The following FAM13A variants were observed in gnomAD, a reference collection of about 807,000 sequenced individuals.
The protein encoded by FAM13A is protein FAM13A.
Under a neutral mutation model 129.6 loss-of-function variants are expected in FAM13A, and 76 were observed. That is an observed-to-expected ratio of 0.59 (90% confidence interval 0.49 to 0.71). The LOEUF is 0.71. Ranked by LOEUF, FAM13A falls within the 30% of genes least tolerant of loss-of-function variation. The probability of loss-of-function intolerance (pLI) is 0.00; values close to 1 mark genes in which losing one functional copy is unlikely to be tolerated. For missense variants in FAM13A, 1,108 were observed against 1,249.3 expected (o/e 0.89, Z 1.70); for synonymous variants, 443 against 449.9 (o/e 0.98, Z 0.20).
chr4:88,930,103 C>A (rs1296086270), intron 5 of FAM13A, among the ~76,000 whole-genome samples: 1 of 151,936 alleles, frequency 6.6e-6, no homozygotes, highest in East Asian at 1.9e-4. Flanking sequence ...TTTCTGATTT[C>A]TTTGTACTGG....
At chr4:88,919,697 C>A (rs1240683361) in intron 5 of FAM13A, among the ~76,000 whole-genome samples, 1 of 152,166 alleles carries the variant, frequency 6.6e-6, no homozygotes, top group Non-Finnish European at 1.5e-5. Context: ...ACAGTGGGCG[C>A]AGGACAGTGG....
chr4:88,954,041 A>G (rs1456816556), intron 4 of FAM13A, among the ~76,000 whole-genome samples: 1 of 152,230 alleles, frequency 6.6e-6, no homozygotes, highest in Non-Finnish European at 1.5e-5. Context: ...ATAAACATTT[A>G]GTGAGTATGT....
intron 3 of FAM13A, among the ~76,000 whole-genome samples, chr4:88,999,484 G>A (rs1256257800): frequency 1.3e-5 from 2 of 152,176 alleles, no homozygotes; most frequent in Admixed American, 1.3e-4. Context: ...AATATTGGCA[G>A]TATCTCAGCT....
At chr4:88,965,175 A>G (rs2148929609) in intron 4 of FAM13A, among the ~76,000 whole-genome samples, 1 of 152,348 alleles carries the variant, frequency 6.6e-6, no homozygotes, top group African/African-American at 2.4e-5. Context: ...GACAATGAGC[A>G]TTAGGCCATT....
At chr4:88,907,570 C>T (rs2704593) in intron 5 of FAM13A, among the ~76,000 whole-genome samples, 24,531 of 152,152 alleles carry the variant, frequency 0.16, 2,164 homozygotes, top group Non-Finnish European at 0.2. Context: ...ATGTATTGGG[C>T]GTTGCTAAAG....
chr4:88,873,753 T>C (rs563132111), intron 6 of FAM13A, among the ~76,000 whole-genome samples: 1 of 151,948 alleles, frequency 6.6e-6, no homozygotes, highest in African/African-American at 2.4e-5. Context: ...ACTATTCCAA[T>C]AGAAAAAGAG....
At chr4:88,868,295 G>A (rs1006413168) in intron 6 of FAM13A, among the ~76,000 whole-genome samples, 2 of 152,250 alleles carry the variant, frequency 1.3e-5, no homozygotes, top group Admixed American at 6.5e-5. Flanking sequence ...CCCAGTCATC[G>A]AGTAAGTGCC....
chr4:88,866,018 C>T (rs763086319), intron 6 of FAM13A, among the ~76,000 whole-genome samples: 3 of 150,448 alleles, frequency 2.0e-5, no homozygotes, highest in Non-Finnish European at 3.0e-5. Flanking sequence ...ATTACAGGCA[C>T]GAGCCACCAT....
At chr4:88,896,742 C>T (rs1746408135) in intron 6 of FAM13A, among the ~76,000 whole-genome samples, 1 of 152,168 alleles carries the variant, frequency 6.6e-6, no homozygotes, top group African/African-American at 2.4e-5. Context: ...GTTAATATGA[C>T]TCTGTTTAAT....
intron 4 of FAM13A, among the ~76,000 whole-genome samples, chr4:88,969,155 T>C (rs897530114): frequency 6.6e-6 from 1 of 152,120 alleles, no homozygotes; most frequent in Non-Finnish European, 1.5e-5. Context: ...ACTAAAGAAC[T>C]TACTCATGTA....
intron 1 of FAM13A, among the ~76,000 whole-genome samples, chr4:89,045,277 CAAA>C (rs1246300418): frequency 6.6e-6 from 1 of 152,026 alleles, no homozygotes; most frequent in Non-Finnish European, 1.5e-5. Flanking sequence ...TATAAGAACA[CAAA>C]GAAGAACAGA....
chr4:88,755,786 T>C (rs1008812512), intron 14 of FAM13A, among the ~76,000 whole-genome samples: 10 of 152,248 alleles, frequency 6.6e-5, no homozygotes, highest in Non-Finnish European at 1.5e-5. Context: ...GTTAGATATA[T>C]GAAGTATCTT....
chr4:88,860,323 G>A (rs533553025), intron 6 of FAM13A, among the ~76,000 whole-genome samples: 1 of 152,266 alleles, frequency 6.6e-6, no homozygotes, highest in East Asian at 1.9e-4. Context: ...AACGCCTCAG[G>A]GAAGGATGAG....
intron 10 of FAM13A, 130 bp downstream of exon 10, chr4:88,787,623 A>T: frequency 1.3e-6 from 1 of 795,446 alleles, no homozygotes; most frequent in Non-Finnish European, 1.9e-6. Context: ...GATAACTCTT[A>T]AAGTTTTAAC....
At chr4:88,947,671 T>C (rs1048467996) in intron 4 of FAM13A, among the ~76,000 whole-genome samples, 3 of 152,146 alleles carry the variant, frequency 2.0e-5, no homozygotes, top group Non-Finnish European at 4.4e-5. Flanking sequence ...CTGCTTTCTT[T>C]AGTCCTTTTT....
At chr4:88,912,568 T>C (rs62310477) in intron 5 of FAM13A, among the ~76,000 whole-genome samples, 44 of 146,202 alleles carry the variant, frequency 3.0e-4, no homozygotes, top group Admixed American at 1.4e-3. Context: ...CACACATACA[T>C]ACACACACAC....
chr4:88,730,111 A>G (rs1737337422), intron 23 of FAM13A: 1 of 152,256 alleles, frequency 6.6e-6, no homozygotes, highest in African/African-American at 2.4e-5. Context: ...GTTAATTTTT[A>G]TGGTGCTTTC....
chr4:88,791,260 T>A (rs1039306525), intron 8 of FAM13A, among the ~76,000 whole-genome samples: 10 of 152,180 alleles, frequency 6.6e-5, no homozygotes, highest in African/African-American at 2.4e-4. Flanking sequence ...ATGTTTTTGT[T>A]GAGCACTTAC....
chr4:88,923,225 A>C (rs1751440702), intron 5 of FAM13A, among the ~76,000 whole-genome samples: 1 of 152,228 alleles, frequency 6.6e-6, no homozygotes, highest in Non-Finnish European at 1.5e-5. Flanking sequence ...CCTGATACCA[A>C]AGCCTGGCAG....
Sources: allele counts gnomAD v4.1 joint callset (sites outside exome capture counted in the v4.1 genomes callset), GRCh38; gene constraint gnomAD v4.1.1; transcripts MANE v1.5; gene names NCBI Gene and HGNC (gene_info 2026-07-23, HGNC 2026-07-21).